GABRA3: variants seen among roughly 807,000 people sequenced by gnomAD.
GABRA3 encodes gamma-aminobutyric acid receptor subunit alpha-3.
Under a neutral mutation model 30.1 loss-of-function variants are expected in GABRA3, and 10 were observed. The ratio of observed to expected loss-of-function variants is 0.33; its 90% CI spans 0.20 to 0.56. GABRA3 has a LOEUF of 0.56. Among genes scored for constraint, GABRA3 ranks in the 20% least tolerant of loss-of-function variants. The pLI is 0.89. For synonymous variants in GABRA3, 151 were observed against 146.8 expected, an observed-to-expected ratio of 1.03 and a Z score of -0.21; for missense variants, 233 against 392.0, an observed-to-expected ratio of 0.59 and a Z score of 3.42.
intron 6 of GABRA3, among the ~76,000 whole-genome samples, chrX:152,213,702 T>C (rs1937664869): frequency 9.0e-6 from 1 of 111,401 alleles, no homozygotes; most frequent in African/African-American, 3.3e-5. Flanking sequence ...ATTGAGGAGG[T>C]AGGTAACCAG....
intron 3 of GABRA3, among the ~76,000 whole-genome samples, chrX:152,304,967 A>T (rs1260449580): frequency 8.9e-6 from 1 of 111,946 alleles, no homozygotes; most frequent in Admixed American, 9.5e-5. Context: ...ATTTATTTGT[A>T]TCATCTCTGA....
chrX:152,218,599 C>T, intron 6 of GABRA3, among the ~76,000 whole-genome samples: 1 of 111,072 alleles, frequency 9.0e-6, no homozygotes, highest in Non-Finnish European at 1.9e-5. Flanking sequence ...TTATTTTTCT[C>T]TTCAGTTCTA....
chrX:152,410,288 A>G (rs1034705488), intron 1 of GABRA3, among the ~76,000 whole-genome samples: 1 of 111,798 alleles, frequency 8.9e-6, no homozygotes, highest in Non-Finnish European at 1.9e-5. Flanking sequence ...AGAAGGAACA[A>G]GAGGTAGTAT....
At chrX:152,307,393 G>C (rs1038519426) in intron 3 of GABRA3, among the ~76,000 whole-genome samples, 3 of 111,719 alleles carry the variant, frequency 2.7e-5, no homozygotes, top group Non-Finnish European at 5.6e-5. Flanking sequence ...ATTTGAGGAA[G>C]AAGAAATGAC....
Position 152,171,826 on chromosome X carries a change from G to A in GABRA3, c.1144-3263C>T, listed in dbSNP as rs1042667741. Among the ~76,000 whole-genome samples the A allele has an allele frequency of 8.0e-5, 9 of 111,998 alleles. No homozygotes were observed. The East Asian group carries it at 2.2e-3, about 28-fold the overall frequency. On this transcript the variant is annotated intron_variant, in intron 9 of 9. Coordinates refer to ENST00000370314, the MANE Select transcript of GABRA3 (RefSeq NM_000808.4). The stretch of plus-strand genomic sequence containing the variant: ...AGGAGTTTGAATCCAGAACAGGAAC[G>A]CCTTTCCTTCTAAAAATCTATTTCA...
intron 1 of GABRA3, among the ~76,000 whole-genome samples, chrX:152,446,358 G>A (rs1194955880): frequency 9.0e-6 from 1 of 111,349 alleles, no homozygotes. Context: ...GCCCAGGATG[G>A]CAACAACTTT....
At chrX:152,199,183 G>A (rs1485427574) in intron 7 of GABRA3, among the ~76,000 whole-genome samples, 4 of 109,490 alleles carry the variant, frequency 3.7e-5, no homozygotes, top group Admixed American at 9.8e-5. Context: ...TGGCTAACAT[G>A]GTGAAACCCC....
chrX:152,241,714 G>A (rs965369000), intron 5 of GABRA3, among the ~76,000 whole-genome samples: 39 of 109,394 alleles, frequency 3.6e-4, no homozygotes, highest in Admixed American at 2.9e-3. Context: ...GTGGTGCGCC[G>A]TTTCTTAAGC....
At position 152,444,774 on chromosome X, in the gene GABRA3, T is replaced by G. The variant is rs1325868581; in HGVS notation, c.-27+6372A>C. On this transcript the variant is annotated intron_variant, in intron 1 of 9. Coordinates refer to ENST00000370314, the MANE Select transcript of GABRA3 (RefSeq NM_000808.4). The stretch of plus-strand genomic sequence containing the variant: ...TTTTTTTTTGTTTGTTTGTTTGTTT[T>G]TTTTTGGCCGGGCGCGGTGGCTCAC... Among the ~76,000 whole-genome samples, 177 of 97,378 alleles carry G rather than the reference T, an allele frequency of 1.8e-3. 1 individual carries two copies. Among genetic ancestry groups the G allele is most frequent in the Middle Eastern group, 5.1e-3 (1 of 196 alleles). The allele number at this position is 97,378 out of a possible 115,157, so 84.6% of individuals were successfully genotyped here.
At chrX:152,285,833 G>A (rs749820171) in intron 3 of GABRA3, among the ~76,000 whole-genome samples, 1 of 108,542 alleles carries the variant, frequency 9.2e-6, no homozygotes, top group South Asian at 4.0e-4. Context: ...CCAATCATGA[G>A]GGTGGAGCCC....
rs1032267011 is a variant in GABRA3 at position 152,225,760 on chromosome X, G to A, written c.552-915C>T. Among the ~76,000 whole-genome samples, 4 of 109,288 alleles carry A rather than the reference G, an allele frequency of 3.7e-5. No individual in the cohort carries two copies. The Admixed American group carries it at 3.9e-4, about 11-fold the overall frequency. 94.9% of individuals were successfully genotyped at this position (109,288 alleles called of 115,157 possible). A position where few individuals can be genotyped will look rare whatever the true frequency, so the allele number is the denominator to read the frequency against. On this transcript the variant is annotated intron_variant, in intron 5 of 9. Coordinates refer to ENST00000370314, the MANE Select transcript of GABRA3 (RefSeq NM_000808.4). Reference sequence around the variant, plus strand: ...CCTATGTAGAAATGGGGCTCACACAGCAAAACCTAAGAGTAGCTTGGAAGC... The same window carrying A: ...CCTATGTAGAAATGGGGCTCACACAACAAAACCTAAGAGTAGCTTGGAAGC...
intron 4 of GABRA3, among the ~76,000 whole-genome samples, chrX:152,278,070 A>C (rs1184343425): frequency 8.9e-6 from 1 of 112,315 alleles, no homozygotes; most frequent in Non-Finnish European, 1.9e-5. Context: ...ATTTTGAAGA[A>C]ACATAATTGA....
At chrX:152,274,881 C>T (rs1052893518) in intron 4 of GABRA3, among the ~76,000 whole-genome samples, 2 of 106,346 alleles carry the variant, frequency 1.9e-5, no homozygotes, top group African/African-American at 6.8e-5. Context: ...ACTTTGAAAA[C>T]ACTAATGATA....
At chrX:152,438,899 T>A (rs765814265) in intron 1 of GABRA3, among the ~76,000 whole-genome samples, 5 of 110,868 alleles carry the variant, frequency 4.5e-5, no homozygotes, top group African/African-American at 9.9e-5. Flanking sequence ...TAATGGTGGA[T>A]ATATGTTATA....
intron 7 of GABRA3, among the ~76,000 whole-genome samples, chrX:152,199,279 T>A (rs1299047129): frequency 9.7e-6 from 1 of 103,220 alleles, no homozygotes; most frequent in Non-Finnish European, 2.0e-5. Context: ...GGCAGGAGAA[T>A]GGCGTGAACC....
chrX:152,235,391 T>A (rs1183498543), intron 5 of GABRA3, among the ~76,000 whole-genome samples: 2 of 111,189 alleles, frequency 1.8e-5, no homozygotes, highest in African/African-American at 6.5e-5. Context: ...CCGGAGCAAT[T>A]AGGCAAGGGA....
chrX:152,349,321 G>A (rs1189195073), intron 2 of GABRA3, among the ~76,000 whole-genome samples: 1 of 110,697 alleles, frequency 9.0e-6, no homozygotes, highest in Non-Finnish European at 1.9e-5. Context: ...AACATGGAGA[G>A]GAACAACCGG....
rs181146647 is a variant in GABRA3, at chrX:152,281,812, G to A, written c.330+2856C>T. On this transcript the variant is annotated intron_variant, in intron 4 of 9. Coordinates refer to ENST00000370314, the MANE Select transcript of GABRA3 (RefSeq NM_000808.4). ...AACACATACAGAGGACCTCTGTCAG[G>A]TTCTGTGCTAAATGCTGGAGAACCA... Among the ~76,000 whole-genome samples the A allele has an allele frequency of 1.8e-4, 20 of 112,278 alleles. 1 individual carries two copies. In the East Asian group the frequency reaches 4.8e-3, roughly 27 times the overall value.
intron 3 of GABRA3, among the ~76,000 whole-genome samples, chrX:152,333,869 A>G (rs1940196775): frequency 8.9e-6 from 1 of 111,811 alleles, no homozygotes; most frequent in African/African-American, 3.2e-5. Flanking sequence ...AGCCAACCTG[A>G]GTAGATTTTT....
Sources: gnomAD v4.1 joint callset for allele counts (sites outside exome capture counted in the v4.1 genomes callset) on GRCh38, gnomAD v4.1.1 for gene constraint, MANE v1.5 for transcripts, NCBI Gene and HGNC (gene_info 2026-07-23, HGNC 2026-07-21) for gene names.